WDR53: variants seen among roughly 807,000 people sequenced by gnomAD.
WDR53 encodes WD repeat-containing protein 53.
In WDR53, 19 loss-of-function variants were observed where a neutral mutation model predicts 21.3. That is an observed-to-expected ratio of 0.89 (90% CI 0.62 to 1.31). The LOEUF (loss-of-function observed/expected upper bound fraction) is 1.31, where lower values mean the gene tolerates loss of function less well. WDR53 is among the 50% of genes most tolerant of loss of function. WDR53 has a pLI of 0.00. For missense variants in WDR53, 374 were observed against 423.2 expected, an observed-to-expected ratio of 0.88 and a Z score of 1.02; for synonymous variants, 157 against 163.4, an observed-to-expected ratio of 0.96 and a Z score of 0.30.
chr3:196,559,789 G>A (rs1289046468), intron 3 of WDR53, among the ~76,000 whole-genome samples: 1 of 152,084 alleles, frequency 6.6e-6, no homozygotes, highest in Non-Finnish European at 1.5e-5. Flanking sequence ...TCATCTTAGA[G>A]AAAAAACATA....
intron 3 of WDR53, among the ~76,000 whole-genome samples, chr3:196,560,267 G>C (rs139705115): frequency 9.7e-4 from 139 of 143,700 alleles, no homozygotes; most frequent in Admixed American, 2.8e-3. Context: ...TTTTGAGACA[G>C]AGTCTCACTC....
At position 196,563,770 on chromosome 3, in the gene WDR53, C is replaced by T; in HGVS notation, c.-16-2279G>A. ...CATTTTTAGTAGAGACAGGGTTTCA[C>T]CATGTTGGCCAGGCTGGTCTTGAAC... On this transcript the variant is annotated intron_variant, in intron 2 of 3. Transcript: ENST00000332629. Among the ~76,000 whole-genome samples the T allele has an allele frequency of 1.3e-5, 2 of 152,168 alleles. 1 individual carries two copies. The highest frequency in any genetic ancestry group is 4.8e-5 in the African/African-American group (2 of 41,426).
intron 3 of WDR53, among the ~76,000 whole-genome samples, chr3:196,557,483 G>A (rs1332835381): frequency 2.0e-5 from 3 of 152,128 alleles, no homozygotes; most frequent in Admixed American, 1.3e-4. Flanking sequence ...GCGAGGCTGC[G>A]GTGAGCTCTA....
chr3:196,556,750 C>A (rs1734356480), intron 3 of WDR53, among the ~76,000 whole-genome samples: 1 of 151,934 alleles, frequency 6.6e-6, no homozygotes, highest in African/African-American at 2.4e-5. Flanking sequence ...AGACCCAGTT[C>A]TTTCTCATAC....
chr3:196,556,602 G>C (rs1734338674), intron 3 of WDR53, among the ~76,000 whole-genome samples: 1 of 150,370 alleles, frequency 6.7e-6, no homozygotes, highest in South Asian at 2.1e-4. Context: ...CTTGCAGTGA[G>C]CCGAGATCAC....
chr3:196,561,620 A>AG, intron 2 of WDR53, 129 bp from the exon 3 acceptor site: 1 of 957,602 alleles, frequency 1.0e-6, no homozygotes, highest in Non-Finnish European at 1.4e-6. Context: ...AACTCAATTA[A>AG]TTAAAAAAAA....
chr3:196,561,979 C>T lies in WDR53; in HGVS notation c.-16-488G>A, dbSNP rs529915132. ...CTCTATAAAATGAGGATAATAATGA[C>T]ACTCATTTCATAGGATCATAATATA... is the stretch of plus-strand genomic sequence containing the variant. On this transcript the variant is annotated intron_variant, in intron 2 of 3. Coordinates refer to ENST00000332629, the MANE Select transcript of WDR53 (RefSeq NM_182627.3). Among the ~76,000 whole-genome samples, 6 of 152,254 alleles carry T rather than the reference C, an allele frequency of 3.9e-5. No individual in the cohort carries two copies. The South Asian group carries it at 6.2e-4, about 16-fold the overall frequency.
Position 196,559,894 on chromosome 3 carries a change from A to T in WDR53, c.480+1102T>A, listed in dbSNP as rs572790559. Among the ~76,000 whole-genome samples the T allele has an allele frequency of 1.2e-3, 189 of 152,328 alleles. 1 individual carries two copies. Among genetic ancestry groups the T allele is most frequent in the African/African-American group, 4.3e-3 (178 of 41,578 alleles). On this transcript the variant is annotated intron_variant, in intron 3 of 3. Transcript: ENST00000332629. ...TCAGTTTCTTTATTTATTAAAAAAAATAACTAGGAGGGTGTGATTAGAATT... is the reference window on the plus strand; with the variant it reads ...TCAGTTTCTTTATTTATTAAAAAAATTAACTAGGAGGGTGTGATTAGAATT...
chr3:196,565,125 A>G (rs778873313), intron 2 of WDR53, among the ~76,000 whole-genome samples: 4 of 152,216 alleles, frequency 2.6e-5, no homozygotes, highest in Admixed American at 6.5e-5. Flanking sequence ...CTCTTGTTCT[A>G]TTAGTCTCAC....
rs563286723 is a variant in WDR53 at position 196,556,825 on chromosome 3, G to A, written c.481-2018C>T. 3.1e-4 allele frequency among the ~76,000 whole-genome samples: 47 copies of A among 152,208 alleles called. 1 individual carries two copies. The highest frequency in any genetic ancestry group is 5.9e-4 in the Non-Finnish European group (40 of 68,004). On this transcript the variant is annotated intron_variant, in intron 3 of 3. Coordinates refer to ENST00000332629, the MANE Select transcript of WDR53 (RefSeq NM_182627.3). ...CATTCAAACATGCACTGCACCCAGA[G>A]TGTTTCAGCAGCTGAAACACCTTTT...
At chr3:196,558,151 G>A (rs953401130) in intron 3 of WDR53, among the ~76,000 whole-genome samples, 5 of 151,932 alleles carry the variant, frequency 3.3e-5, no homozygotes, top group South Asian at 2.1e-4. Flanking sequence ...GCAGTCTCAC[G>A]TGTCTTAAAG....
intron 3 of WDR53, among the ~76,000 whole-genome samples, chr3:196,560,424 T>C (rs963179854): frequency 1.3e-5 from 2 of 152,074 alleles, no homozygotes; most frequent in Admixed American, 6.6e-5. Context: ...GTATTTCTAG[T>C]AGAGACAGGG....
intron 2 of WDR53, among the ~76,000 whole-genome samples, chr3:196,562,344 C>T (rs1024215962): frequency 6.6e-6 from 1 of 152,192 alleles, no homozygotes; most frequent in African/African-American, 2.4e-5. Flanking sequence ...TCACTGCAAC[C>T]TCCGCCTCCC....
rs1227133255 is a variant in WDR53, at chr3:196,554,439, T to G, written c.849A>C (p.Lys283Asn). The change falls in exon 4 of 4, where the codon AAA (lysine) becomes AAC (asparagine). Residue 283 changes from lysine (K) to asparagine (N), a missense_variant. Physicochemically the swap from Lys to Asn is moderately conservative, Grantham distance 94 (BLOSUM62 0). Transcript: ENST00000332629. ...EVEKKQKSPTKRTHRKKPKRG... is the reference protein window; with the variant it reads ...EVEKKQKSPTNRTHRKKPKRG... ...TTTTAGGTTTCTTCCTGTGGGTACG[T>G]TTTGTGGGACTCTTCTGTTTTTTCT... is the stretch of plus-strand genomic sequence containing the variant. 6.2e-7 allele frequency: 1 copy of G among 1,614,018 alleles called. No homozygotes were observed. Among genetic ancestry groups the G allele is most frequent in the African/African-American group, 1.3e-5 (1 of 74,908 alleles).
At chr3:196,559,680 C>G (rs1734641468) in intron 3 of WDR53, among the ~76,000 whole-genome samples, 1 of 152,166 alleles carries the variant, frequency 6.6e-6, no homozygotes, top group Admixed American at 6.6e-5. Context: ...GTGCTGGACA[C>G]ATCGGTCATT....
At chr3:196,559,565 A>G (rs1002435031) in intron 3 of WDR53, among the ~76,000 whole-genome samples, 1 of 152,146 alleles carries the variant, frequency 6.6e-6, no homozygotes, top group Non-Finnish European at 1.5e-5. Flanking sequence ...AAAGGTAAAG[A>G]CCACTAGCCA....
At chr3:196,562,995 G>A (rs566437434) in intron 2 of WDR53, among the ~76,000 whole-genome samples, 49 of 152,090 alleles carry the variant, frequency 3.2e-4, no homozygotes, top group Non-Finnish European at 6.9e-4. Flanking sequence ...ACCATGCCTG[G>A]CTAATTTTTA....
At chr3:196,557,784 CTT>C (rs199924744) in intron 3 of WDR53, among the ~76,000 whole-genome samples, 7 of 142,614 alleles carry the variant, frequency 4.9e-5, no homozygotes, top group Admixed American at 2.8e-4. Context: ...TTTTTCTTTT[CTT>C]TTTTTTTTTT....
rs546761579 is a variant in WDR53 at position 196,557,901 on chromosome 3, C to G, written c.481-3094G>C. ...CAAGCAATTCTCCCGTCTCAGCCCC[C>G]CAAGTAGCTGGGACTACAGGTGCTC... On this transcript the variant is annotated intron_variant, in intron 3 of 3. Coordinates refer to ENST00000332629, the MANE Select transcript of WDR53 (RefSeq NM_182627.3). 5.3e-5 allele frequency among the ~76,000 whole-genome samples: 8 copies of G among 151,788 alleles called. No homozygotes were observed. The East Asian group carries it at 1.4e-3, about 26-fold the overall frequency.
Sources: allele counts gnomAD v4.1 joint callset (sites outside exome capture counted in the v4.1 genomes callset), GRCh38; gene constraint gnomAD v4.1.1; transcripts MANE v1.5; gene names NCBI Gene and HGNC (gene_info 2026-07-23, HGNC 2026-07-21).